The following FAM13A variants were observed in gnomAD, a reference collection of about 807,000 sequenced individuals.
The protein encoded by FAM13A is family with sequence similarity 13 member A, also known as protein FAM13A.
FAM13A carries 76 observed loss-of-function variants against 129.6 expected under a neutral mutation model. The ratio of observed to expected loss-of-function variants is 0.59; its 90% CI spans 0.49 to 0.71. The LOEUF (loss-of-function observed/expected upper bound fraction) is 0.71. FAM13A is among the 30% of genes least tolerant of loss of function. FAM13A has a pLI of 0.00. For synonymous variants in FAM13A, 443 were observed against 449.9 expected (o/e 0.98, Z 0.20); for missense variants, 1,108 against 1,249.3 (o/e 0.89, Z 1.70).
chr4:88,911,140 GTCCCTTCTTAAT>G (rs1749030719), intron 5 of FAM13A, among the ~76,000 whole-genome samples: 1 of 152,112 alleles, frequency 6.6e-6, no homozygotes, highest in African/African-American at 2.4e-5. Flanking sequence ...CCTGCTTTTA[GTCCCTTCTTAAT>G]TCCCTTCTTA....
intron 13 of FAM13A, among the ~76,000 whole-genome samples, chr4:88,760,876 GAGTA>G (rs1303170644): frequency 6.6e-6 from 1 of 152,052 alleles, no homozygotes; most frequent in Non-Finnish European, 1.5e-5. Flanking sequence ...AAGCAAAAGA[GAGTA>G]AGAATATGCA....
chr4:88,756,492 G>T (rs1002151764), intron 14 of FAM13A, among the ~76,000 whole-genome samples: 1 of 152,204 alleles, frequency 6.6e-6, no homozygotes, highest in African/African-American at 2.4e-5. Context: ...GAGAGTAGGA[G>T]CTATGGTATG....
intron 6 of FAM13A, among the ~76,000 whole-genome samples, chr4:88,878,339 T>A (rs1166006302): frequency 6.6e-6 from 1 of 150,908 alleles, no homozygotes; most frequent in Non-Finnish European, 1.5e-5. Context: ...TTTTTGAGAT[T>A]CTATTTCTGT....
intron 4 of FAM13A, among the ~76,000 whole-genome samples, chr4:88,951,434 A>T (rs1459557996): frequency 1.3e-5 from 2 of 152,170 alleles, no homozygotes; most frequent in Non-Finnish European, 2.9e-5. Flanking sequence ...TATACTCAGG[A>T]TCTTGCTTAT....
intron 6 of FAM13A, among the ~76,000 whole-genome samples, chr4:88,900,296 ACC>A (rs1747076787): frequency 6.6e-6 from 1 of 152,084 alleles, no homozygotes; most frequent in Admixed American, 6.6e-5. Flanking sequence ...AATCCAGAGA[ACC>A]TCAGTAAGAT....
At chr4:88,858,121 A>G (rs1167200149) in intron 6 of FAM13A, among the ~76,000 whole-genome samples, 35 of 152,332 alleles carry the variant, frequency 2.3e-4, no homozygotes, top group Admixed American at 2.2e-3. Context: ...GAGTCAAGAA[A>G]CTACATTGGC....
intron 14 of FAM13A, among the ~76,000 whole-genome samples, chr4:88,753,884 C>T (rs758804354): frequency 6.6e-6 from 1 of 152,142 alleles, no homozygotes; most frequent in Non-Finnish European, 1.5e-5. Flanking sequence ...CCTAGAGAGC[C>T]GGTTTTGAGG....
intron 4 of FAM13A, among the ~76,000 whole-genome samples, chr4:88,985,510 A>C (rs1762123085): frequency 6.6e-6 from 1 of 152,206 alleles, no homozygotes; most frequent in Non-Finnish European, 1.5e-5. Context: ...GGGATATCAC[A>C]TCTGACCTAT....
At chr4:88,732,328 A>T in intron 21 of FAM13A, 130 bp from the exon 22 acceptor site, 1 of 605,902 alleles carries the variant, frequency 1.7e-6, no homozygotes, top group Non-Finnish European at 2.9e-6. Context: ...ATTTAGCAAC[A>T]CATATGTACA....
intron 3 of FAM13A, among the ~76,000 whole-genome samples, chr4:89,017,514 A>G (rs1370571220): frequency 6.6e-6 from 1 of 152,186 alleles, no homozygotes. Flanking sequence ...ATATCAAATG[A>G]AAACTATTCT....
At chr4:89,052,274 CTTT>C (rs55740292) in intron 1 of FAM13A, among the ~76,000 whole-genome samples, 1 of 144,472 alleles carries the variant, frequency 6.9e-6, no homozygotes, top group Non-Finnish European at 1.5e-5. Flanking sequence ...TTTCTTTTTT[CTTT>C]TTTCTTTTAT....
intron 1 of FAM13A, among the ~76,000 whole-genome samples, chr4:89,032,138 G>A (rs1441257242): frequency 6.6e-6 from 1 of 152,134 alleles, no homozygotes; most frequent in African/African-American, 2.4e-5. Context: ...CAGCAACTCA[G>A]GAGGCTGAGG....
At chr4:88,963,007 T>A (rs1164328265) in intron 4 of FAM13A, among the ~76,000 whole-genome samples, 1 of 152,202 alleles carries the variant, frequency 6.6e-6, no homozygotes, top group Non-Finnish European at 1.5e-5. Flanking sequence ...TCTAAAAGGA[T>A]GTTCAGAAAA....
chr4:89,020,751 G>C, intron 2 of FAM13A, 82 bp from the exon 3 acceptor site: 1 of 897,694 alleles, frequency 1.1e-6, no homozygotes. Flanking sequence ...CACAAAGAAA[G>C]AAATCTCAGC....
At chr4:88,764,942 G>GT (rs1745456970) in intron 13 of FAM13A, among the ~76,000 whole-genome samples, 1 of 152,080 alleles carries the variant, frequency 6.6e-6, no homozygotes, top group Non-Finnish European at 1.5e-5. Context: ...GGAGAATCTC[G>GT]TTTTGGACAA....
chr4:89,026,961 A>G (rs950981297), intron 2 of FAM13A, among the ~76,000 whole-genome samples: 3 of 152,312 alleles, frequency 2.0e-5, no homozygotes, highest in Non-Finnish European at 2.9e-5. Flanking sequence ...CTCATTTCCA[A>G]TAAATGATTC....
intron 6 of FAM13A, among the ~76,000 whole-genome samples, chr4:88,889,509 G>A (rs1745004096): frequency 6.6e-6 from 1 of 152,148 alleles, no homozygotes; most frequent in Admixed American, 6.5e-5. Flanking sequence ...AATATAGGTG[G>A]CAAACAGGAG....
intron 14 of FAM13A, among the ~76,000 whole-genome samples, chr4:88,755,417 T>C (rs987356099): frequency 6.6e-5 from 10 of 152,202 alleles, no homozygotes; most frequent in African/African-American, 2.4e-4. Context: ...GTATCTACTA[T>C]TCATTATTAC....
chr4:88,915,795 A>C (rs1750019340), intron 5 of FAM13A, among the ~76,000 whole-genome samples: 1 of 152,170 alleles, frequency 6.6e-6, no homozygotes, highest in South Asian at 2.1e-4. Flanking sequence ...GCCCTCAAGA[A>C]TAGATTAATT....
Sources: allele counts gnomAD v4.1 joint callset (sites outside exome capture counted in the v4.1 genomes callset), GRCh38; gene constraint gnomAD v4.1.1; transcripts MANE v1.5; gene names NCBI Gene and HGNC (gene_info 2026-07-23, HGNC 2026-07-21).